TBXAS1: variants seen among roughly 807,000 people sequenced by gnomAD.
TBXAS1 encodes the protein thromboxane A synthase 1, also known as thromboxane-A synthase.
Under a neutral mutation model 60.7 loss-of-function variants are expected in TBXAS1, and 48 were observed. That is an observed-to-expected ratio of 0.79 (90% CI 0.63 to 1.01). The LOEUF is 1.01. Ranked by LOEUF, TBXAS1 falls within the 50% of genes least tolerant of loss-of-function variation. The pLI is 0.00. For synonymous variants in TBXAS1, 287 were observed against 269.7 expected, an observed-to-expected ratio of 1.06 and a Z score of -0.63; for missense variants, 685 against 686.3, an observed-to-expected ratio of 1.00 and a Z score of 0.02.
At chr7:139,781,395 G>A (rs1434312043) in intron 2 of TBXAS1, among the ~76,000 whole-genome samples, 1 of 152,182 alleles carries the variant, frequency 6.6e-6, no homozygotes, top group Non-Finnish European at 1.5e-5. Flanking sequence ...GGGAGTACCA[G>A]TATTTGAGAC....
chr7:139,790,039 A>T (rs994105754), intron 4 of TBXAS1, among the ~76,000 whole-genome samples: 1 of 152,222 alleles, frequency 6.6e-6, no homozygotes, highest in African/African-American at 2.4e-5. Context: ...CAACATCATT[A>T]TTTAGGCCCA....
intron 3 of TBXAS1, among the ~76,000 whole-genome samples, chr7:139,897,976 G>GA (rs1031254317): frequency 2.0e-5 from 3 of 152,204 alleles, no homozygotes; most frequent in African/African-American, 7.2e-5. Flanking sequence ...AAAAGGGAAA[G>GA]ACACTCCATG....
At chr7:139,877,339 A>G (rs918689326) in intron 3 of TBXAS1, among the ~76,000 whole-genome samples, 6 of 152,202 alleles carry the variant, frequency 3.9e-5, no homozygotes, top group African/African-American at 1.4e-4. Flanking sequence ...TAGGTGCTCG[A>G]TAAAGGCTCA....
rs1809555012 is a variant in TBXAS1, at chr7:139,953,264, G to A, written c.451-104G>A. The stretch of plus-strand genomic sequence containing the variant: ...GTGTGAAAAATATCTTCCAAACAGT[G>A]TTCATTTTCCCAGAAAGCACTACAT... On this transcript the variant is annotated intron_variant, in intron 5 of 12. Transcript: ENST00000448866. 3.2e-6 allele frequency: 3 copies of A among 926,456 alleles called. No individual in the cohort carries two copies. In the South Asian group the frequency reaches 3.9e-5, roughly 12 times the overall value. The allele number at this position is 926,456 out of a possible 1,614,324, so 57.4% of individuals were successfully genotyped here.
At chr7:139,952,012 A>AAGAAAGAAAGAAAGAAAG (rs746618111) in intron 5 of TBXAS1, among the ~76,000 whole-genome samples, 9 of 111,234 alleles carry the variant, frequency 8.1e-5, no homozygotes, top group Admixed American at 1.8e-4. Context: ...GAAAGAAAGA[A>AAGAAAGAAAGAAAGAAAG]AAAGAAAGGA....
At position 139,829,359 on chromosome 7, in the gene TBXAS1, G is replaced by C. The variant is rs764125196; in HGVS notation, c.-32G>C. On this transcript the variant is annotated 5_prime_UTR_variant, in exon 1 of 13. Coordinates refer to ENST00000448866, the MANE Select transcript of TBXAS1 (RefSeq NM_001061.7). The stretch of plus-strand genomic sequence containing the variant: ...CGAGATCAGCCTCCTGTCTCATCTG[G>C]AAGACCACCACTCTGGGGTCTCAGA... 1.2e-6 allele frequency: 2 copies of C among 1,603,032 alleles called. No individual in the cohort carries two copies. The highest frequency in any genetic ancestry group is 1.7e-6 in the Non-Finnish European group (2 of 1,172,234).
intron 10 of TBXAS1, among the ~76,000 whole-genome samples, chr7:140,008,748 C>G: frequency 6.6e-6 from 1 of 152,194 alleles, no homozygotes; most frequent in East Asian, 1.9e-4. Context: ...CAATCCCAGC[C>G]TTATTTTTTT....
At chr7:139,782,047 G>A (rs1797015958) in intron 2 of TBXAS1, among the ~76,000 whole-genome samples, 1 of 151,718 alleles carries the variant, frequency 6.6e-6, no homozygotes, top group Non-Finnish European at 1.5e-5. Flanking sequence ...ATTGCTCCAA[G>A]CAGAGAGGGC....
chr7:139,786,737 C>G (rs758133689), intron 3 of TBXAS1, among the ~76,000 whole-genome samples: 1 of 152,150 alleles, frequency 6.6e-6, no homozygotes, highest in Non-Finnish European at 1.5e-5. Context: ...GCAAATCAGT[C>G]ATGTTTCCAG....
chr7:139,814,870 G>A (rs1022806155), intron 4 of TBXAS1, among the ~76,000 whole-genome samples: 1 of 152,096 alleles, frequency 6.6e-6, no homozygotes, highest in Non-Finnish European at 1.5e-5. Flanking sequence ...CTCAACTTGG[G>A]TCTGGTGTCC....
chr7:139,963,109 C>G (rs1425888519), intron 9 of TBXAS1: 1 of 152,214 alleles, frequency 6.6e-6, no homozygotes, highest in Non-Finnish European at 1.5e-5. Context: ...AAGTCAATGT[C>G]TCTTCTTCAC....
At chr7:139,951,036 A>G (rs968491063) in intron 5 of TBXAS1, among the ~76,000 whole-genome samples, 1 of 152,144 alleles carries the variant, frequency 6.6e-6, no homozygotes, top group Admixed American at 6.6e-5. Context: ...TCCTGTCAAT[A>G]GCCGGCCAGC....
At chr7:139,920,562 T>A (rs1244755050) in intron 4 of TBXAS1, among the ~76,000 whole-genome samples, 1 of 152,172 alleles carries the variant, frequency 6.6e-6, no homozygotes, top group Non-Finnish European at 1.5e-5. Context: ...GAAGGCAGTG[T>A]GATCATCCCA....
rs569683874 is a variant in TBXAS1, at chr7:139,995,026, C to T, written c.1135-12065C>T. On this transcript the variant is annotated intron_variant, in intron 9 of 12. Coordinates refer to ENST00000448866, the MANE Select transcript of TBXAS1 (RefSeq NM_001061.7). ...GAGCAGAGCTGGGGAGCGCAGGAAA[C>T]GGCCCCTTTCTCCCAGGCCCTCAGA... Among the ~76,000 whole-genome samples the T allele has an allele frequency of 3.9e-5, 6 of 152,284 alleles. No homozygotes were observed. The South Asian group carries it at 1.0e-3, about 26-fold the overall frequency.
chr7:139,984,749 AAAG>A (rs1490827850), intron 9 of TBXAS1, among the ~76,000 whole-genome samples: 8 of 124,222 alleles, frequency 6.4e-5, no homozygotes, highest in Admixed American at 3.7e-4. Flanking sequence ...AAGAAAAAGA[AAAG>A]AAAGAAAGAA....
At chr7:139,905,917 G>A (rs1055257446) in intron 3 of TBXAS1, among the ~76,000 whole-genome samples, 1 of 151,794 alleles carries the variant, frequency 6.6e-6, no homozygotes, top group Admixed American at 6.6e-5. Flanking sequence ...AGAACTTTTT[G>A]CCAAGCTCTA....
chr7:139,782,008 T>G (rs1585488090), intron 2 of TBXAS1, among the ~76,000 whole-genome samples: 2 of 151,710 alleles, frequency 1.3e-5, no homozygotes, highest in African/African-American at 4.8e-5. Context: ...TGGGGAGGGC[T>G]AAGGAGGTAC....
At position 139,829,378 on chromosome 7, in the gene TBXAS1, T is replaced by C. The variant is rs749644759; in HGVS notation, c.-13T>C. On this transcript the variant is annotated 5_prime_UTR_variant, in exon 1 of 13. Transcript: ENST00000448866. ...CATCTGGAAGACCACCACTCTGGGG[T>C]CTCAGAGGAATGATGGAAGCCTTGG... 5.0e-6 allele frequency: 8 copies of C among 1,611,998 alleles called. No individual in the cohort carries two copies. In the African/African-American group the frequency reaches 1.1e-4, roughly 22 times the overall value.
intron 3 of TBXAS1, among the ~76,000 whole-genome samples, chr7:139,888,401 C>T (rs1235125936): frequency 2.0e-5 from 3 of 152,194 alleles, no homozygotes; most frequent in Non-Finnish European, 4.4e-5. Context: ...ACTGTTCCTT[C>T]TCTTCCTGGA....
Sources: gnomAD v4.1 joint callset for allele counts (sites outside exome capture counted in the v4.1 genomes callset) on GRCh38, gnomAD v4.1.1 for gene constraint, MANE v1.5 for transcripts, NCBI Gene and HGNC (gene_info 2026-07-23, HGNC 2026-07-21) for gene names.